Variants in FANCB observed in about 807,000 individuals in gnomAD.
The protein encoded by FANCB is FA complementation group B, also known as Fanconi anemia group B protein.
In FANCB, 5 loss-of-function variants were observed where a neutral mutation model predicts 38.9. The ratio of observed to expected loss-of-function variants is 0.13; its 90% CI spans 0.07 to 0.27. The LOEUF is 0.27. Ranked by LOEUF, FANCB falls within the 10% of genes least tolerant of loss-of-function variation. The pLI, the probability that FANCB is intolerant of heterozygous loss-of-function variation, is 1.00. For synonymous variants in FANCB, 236 were observed against 215.4 expected (o/e 1.10, Z -0.84); for missense variants, 573 against 602.7 (o/e 0.95, Z 0.52).
At chrX:14,816,440 A>C in the FANCB span, among the ~76,000 whole-genome samples, 1 of 112,300 alleles carries the variant, frequency 8.9e-6, no homozygotes. Context: ...GACCAAGGAA[A>C]AAAGAAATAA....
chrX:14,867,947 C>T (rs1436492432), intron 2 of FANCB, among the ~76,000 whole-genome samples: 1 of 110,871 alleles, frequency 9.0e-6, no homozygotes, highest in Non-Finnish European at 1.9e-5. Context: ...AAGGTACACA[C>T]ACAAAAAAAA....
chrX:14,734,259 C>T, the FANCB span, among the ~76,000 whole-genome samples: 1 of 111,978 alleles, frequency 8.9e-6, no homozygotes, highest in Non-Finnish European at 1.9e-5. Context: ...TTATAAATGC[C>T]TATGTTAGAG....
In FANCB at chrX:14,859,327, G is replaced by T. The variant is rs1246382467; in HGVS notation, c.959C>A (p.Ala320Asp). The change falls in exon 4 of 10, where the codon GCT becomes GAT. Residue 320 changes from alanine (A) to aspartate (D), a missense_variant. By Grantham distance (126) the Ala-to-Asp change is moderately radical. Coordinates refer to ENST00000650831, the MANE Select transcript of FANCB (RefSeq NM_001018113.3). ...AVWKESFQVA[A>D]KWEKLSLVLI... The stretch of plus-strand genomic sequence containing the variant: ...TACTAAGCTAAGTTTTTCCCATTTA[G>T]CAGCAACCTAAAAGAAAGGGAGCAT... The T allele has an allele frequency of 2.5e-6, 3 of 1,189,137 alleles. No individual in the cohort carries two copies. The highest frequency in any genetic ancestry group is 6.0e-5 in the East Asian group (2 of 33,580).
the FANCB span, among the ~76,000 whole-genome samples, chrX:14,694,575 TTAGGAGGCTATTGTAGAACTA>T: frequency 8.1e-3 from 899 of 111,672 alleles, 7 homozygotes; most frequent in Non-Finnish European, 0.012. Flanking sequence ...AGCAGATAAG[TTAGGAGGCTATTGTAGAACTA>T]TAGGTGGAAA....
At chrX:14,860,406 T>A (rs1340057038) in intron 3 of FANCB, among the ~76,000 whole-genome samples, 2 of 111,960 alleles carry the variant, frequency 1.8e-5, no homozygotes, top group Non-Finnish European at 3.8e-5. Context: ...TATAATGGAC[T>A]ATGGGAAAAG....
At chrX:14,747,989 T>C in the FANCB span, among the ~76,000 whole-genome samples, 6 of 111,710 alleles carry the variant, frequency 5.4e-5, no homozygotes, top group Admixed American at 2.9e-4. Context: ...TTTGGGCCTC[T>C]CATCTGCCTT....
At chrX:14,706,911 T>A in the FANCB span, among the ~76,000 whole-genome samples, 2 of 112,297 alleles carry the variant, frequency 1.8e-5, no homozygotes, top group Non-Finnish European at 3.8e-5. Flanking sequence ...GTTTATAAGG[T>A]TTGCTGAATG....
chrX:14,742,985 G>A, the FANCB span, among the ~76,000 whole-genome samples: 2 of 112,911 alleles, frequency 1.8e-5, no homozygotes, highest in Non-Finnish European at 3.7e-5. Flanking sequence ...CAGGGATGGC[G>A]GCCTTGGGCC....
the FANCB span, among the ~76,000 whole-genome samples, chrX:14,762,000 T>C: frequency 9.0e-6 from 1 of 111,249 alleles, no homozygotes; most frequent in South Asian, 3.8e-4. Context: ...TACCACAGAT[T>C]GAGTCATTTA....
At chrX:14,871,428 G>A (rs1292986217) in intron 1 of FANCB, among the ~76,000 whole-genome samples, 1 of 111,674 alleles carries the variant, frequency 9.0e-6, no homozygotes, top group Non-Finnish European at 1.9e-5. Context: ...CATATACCCA[G>A]TAGTTTCATT....
At chrX:14,852,220 G>A (rs1160585891) in intron 6 of FANCB, among the ~76,000 whole-genome samples, 1 of 106,740 alleles carries the variant, frequency 9.4e-6, no homozygotes, top group Non-Finnish European at 1.9e-5. Context: ...CCAGGCTGGA[G>A]TGCAATGGCG....
At chrX:14,734,289 G>A in the FANCB span, among the ~76,000 whole-genome samples, 1 of 111,784 alleles carries the variant, frequency 8.9e-6, no homozygotes, top group East Asian at 2.8e-4. Context: ...GAAACTTAAG[G>A]GTAACCATTC....
At chrX:14,868,047 G>T (rs184386086) in intron 2 of FANCB, among the ~76,000 whole-genome samples, 2 of 111,447 alleles carry the variant, frequency 1.8e-5, no homozygotes, top group East Asian at 2.8e-4. Context: ...TTATTAAAAA[G>T]ACAAAGGATA....
At chrX:14,759,045 A>G in the FANCB span, among the ~76,000 whole-genome samples, 1 of 112,090 alleles carries the variant, frequency 8.9e-6, no homozygotes, top group East Asian at 2.8e-4. Context: ...TTCTGGAAAC[A>G]AAGAACACAC....
the FANCB span, among the ~76,000 whole-genome samples, chrX:14,701,294 C>G: frequency 9.0e-6 from 1 of 111,200 alleles, no homozygotes; most frequent in Non-Finnish European, 1.9e-5. Context: ...GTGAGGTTCT[C>G]CAGAGGAGCT....
At chrX:14,846,038 C>T (rs1269703726) in intron 7 of FANCB, among the ~76,000 whole-genome samples, 2 of 111,639 alleles carry the variant, frequency 1.8e-5, no homozygotes, top group African/African-American at 6.5e-5. Flanking sequence ...TTAAAAAGAA[C>T]TCAAAAATCT....
chrX:14,730,186 C>T, the FANCB span: 1 of 1,169,131 alleles, frequency 8.6e-7, no homozygotes, highest in Non-Finnish European at 1.2e-6. Flanking sequence ...ATCTGTGCTT[C>T]CTCTGTCTTT....
At chrX:14,698,898 T>G in the FANCB span, among the ~76,000 whole-genome samples, 49 of 110,773 alleles carry the variant, frequency 4.4e-4, no homozygotes, top group African/African-American at 1.4e-3. Flanking sequence ...AGATTACATT[T>G]ACATGCATGG....
At chrX:14,812,458 T>C in the FANCB span, among the ~76,000 whole-genome samples, 1 of 110,752 alleles carries the variant, frequency 9.0e-6, no homozygotes, top group Non-Finnish European at 1.9e-5. Context: ...ATCAAATAGA[T>C]GCAATAAAAA....
Sources: gnomAD v4.1 joint callset for allele counts (sites outside exome capture counted in the v4.1 genomes callset) on GRCh38, gnomAD v4.1.1 for gene constraint, MANE v1.5 for transcripts, NCBI Gene and HGNC (gene_info 2026-07-23, HGNC 2026-07-21) for gene names.